PNPLA1: variants seen among roughly 807,000 people sequenced by gnomAD.
PNPLA1 encodes omega-hydroxyceramide transacylase.
Under a neutral mutation model 51.7 loss-of-function variants are expected in PNPLA1, and 36 were observed. The observed-to-expected ratio is 0.70, with a 90% CI of 0.53 to 0.92. The LOEUF (loss-of-function observed/expected upper bound fraction) is 0.92, where lower values mean the gene tolerates loss of function less well. Ranked by LOEUF, PNPLA1 falls within the 40% of genes least tolerant of loss-of-function variation. The pLI, the probability that PNPLA1 is intolerant of heterozygous loss-of-function variation, is 0.00. For synonymous variants in PNPLA1, 293 were observed against 280.1 expected (o/e 1.05, Z -0.46); for missense variants, 658 against 682.5 (o/e 0.96, Z 0.40).
At chr6:36,286,648 C>T (rs555234796) in intron 1 of PNPLA1, among the ~76,000 whole-genome samples, 1 of 152,154 alleles carries the variant, frequency 6.6e-6, no homozygotes, top group South Asian at 2.1e-4. Context: ...CTTCCAAGTG[C>T]CGTTCAAAAA....
chr6:36,262,226 CT>C (rs1769665843), intron 1 of PNPLA1, among the ~76,000 whole-genome samples: 1 of 152,030 alleles, frequency 6.6e-6, no homozygotes, highest in Admixed American at 6.6e-5. Flanking sequence ...CCACTTTCCC[CT>C]GTCCCCCACC....
upstream of PNPLA1, among the ~76,000 whole-genome samples, chr6:36,267,215 T>C (rs1224255543): frequency 6.6e-6 from 1 of 152,226 alleles, no homozygotes. Context: ...TCTTCCTCGA[T>C]GTCATTCGCT....
At chr6:36,309,273 C>T (rs948053782) in intron 8 of PNPLA1, among the ~76,000 whole-genome samples, 10 of 152,144 alleles carry the variant, frequency 6.6e-5, no homozygotes, top group African/African-American at 1.7e-4. Context: ...GGGTGCAGGA[C>T]GGCAGCTCGA....
chr6:36,304,244 A>T (rs1269666171), intron 6 of PNPLA1, among the ~76,000 whole-genome samples: 2 of 152,204 alleles, frequency 1.3e-5, no homozygotes, highest in African/African-American at 2.4e-5. Flanking sequence ...TAAACGTCAC[A>T]GATCGGCAAT....
At chr6:36,258,694 C>A (rs1335482280) in intron 1 of PNPLA1, among the ~76,000 whole-genome samples, 1 of 152,162 alleles carries the variant, frequency 6.6e-6, no homozygotes, top group Non-Finnish European at 1.5e-5. Flanking sequence ...TCTTAAACTC[C>A]TTTGTTCTGG....
intron 1 of PNPLA1, among the ~76,000 whole-genome samples, chr6:36,273,254 T>A (rs771970262): frequency 2.2e-3 from 217 of 97,628 alleles, no homozygotes; most frequent in African/African-American, 2.9e-3. Context: ...AAATAAATAA[T>A]AAATAAATAA....
At chr6:36,279,783 T>C (rs552834314) in intron 1 of PNPLA1, among the ~76,000 whole-genome samples, 150 of 152,172 alleles carry the variant, frequency 9.9e-4, no homozygotes, top group Non-Finnish European at 2.0e-3. Flanking sequence ...AGTCACAAAA[T>C]AAGTCTTTGA....
Position 36,291,464 on chromosome 6 carries a change from C to G in PNPLA1, c.350C>G (p.Thr117Arg), listed in dbSNP as rs371307766. 3.7e-6 allele frequency: 6 copies of G among 1,613,624 alleles called. No homozygotes were observed. The South Asian group carries it at 6.6e-5, about 18-fold the overall frequency. The change falls in exon 2 of 9, where the codon ACG becomes AGG. Residue 117 changes from threonine to arginine, a missense_variant. Physicochemically the swap from Thr to Arg is moderately conservative, Grantham distance 71. Transcript: ENST00000636260. ...CCCGAGGACTCCTACAAGGTCACCACGGGGAAGCTCCATGTGAGCCTCACC... is the reference window on the plus strand; with the variant it reads ...CCCGAGGACTCCTACAAGGTCACCAGGGGGAAGCTCCATGTGAGCCTCACC... ...VLPEDSYKVT[T>R]GKLHVSLTRL...
chr6:36,284,790 C>G (rs1582067919), intron 1 of PNPLA1, among the ~76,000 whole-genome samples: 1 of 152,168 alleles, frequency 6.6e-6, no homozygotes. Flanking sequence ...CAGCCTCAAC[C>G]CAGAACAGCC....
At chr6:36,301,114 G>GGGGGGGGGCCCCCC in intron 5 of PNPLA1, among the ~76,000 whole-genome samples, 1 of 99,968 alleles carries the variant, frequency 1.0e-5, no homozygotes, top group East Asian at 3.6e-4. Context: ...CCATCCCCCC[G>GGGGGGGGGCCCCCC]CCCCCCCACC....
At chr6:36,263,326 A>G (rs906001058) in intron 1 of PNPLA1, among the ~76,000 whole-genome samples, 17 of 152,246 alleles carry the variant, frequency 1.1e-4, no homozygotes, top group African/African-American at 4.1e-4. Flanking sequence ...TATTAACAAA[A>G]AGACAACACT....
intron 5 of PNPLA1, among the ~76,000 whole-genome samples, chr6:36,300,461 T>C (rs1582094777): frequency 1.3e-5 from 2 of 152,144 alleles, no homozygotes; most frequent in South Asian, 4.1e-4. Flanking sequence ...CCCAAAGTGC[T>C]GGGATTACAG....
At chr6:36,267,604 G>T (rs1269921048), upstream of PNPLA1, among the ~76,000 whole-genome samples, 3 of 152,162 alleles carry the variant, frequency 2.0e-5, no homozygotes, top group East Asian at 1.9e-4. Context: ...AGCCCCCCAG[G>T]TGCCTGAAGC....
intron 1 of PNPLA1, among the ~76,000 whole-genome samples, chr6:36,260,280 C>A (rs536135051): frequency 6.6e-6 from 1 of 152,094 alleles, no homozygotes; most frequent in Non-Finnish European, 1.5e-5. Flanking sequence ...CAGAGTATGA[C>A]CCTGTCCCTA....
chr6:36,293,181 C>T, intron 3 of PNPLA1, 55 bp downstream of exon 3: 1 of 1,545,186 alleles, frequency 6.5e-7, no homozygotes. Flanking sequence ...CCTCGGGTCC[C>T]TGTGACTCAC....
At chr6:36,271,474 G>A (rs1394168824) in intron 1 of PNPLA1, among the ~76,000 whole-genome samples, 1 of 152,228 alleles carries the variant, frequency 6.6e-6, no homozygotes, top group Non-Finnish European at 1.5e-5. Context: ...AGAAATTCTA[G>A]AGAAAAGAAA....
At chr6:36,268,790 T>C (rs979899642), upstream of PNPLA1, among the ~76,000 whole-genome samples, 4 of 152,092 alleles carry the variant, frequency 2.6e-5, no homozygotes, top group African/African-American at 9.7e-5. Flanking sequence ...TGTGCTCCTG[T>C]CCCCCAGGGC....
chr6:36,302,966 A>C (rs142355413), intron 6 of PNPLA1, among the ~76,000 whole-genome samples: 1 of 152,374 alleles, frequency 6.6e-6, no homozygotes, highest in East Asian at 1.9e-4. Context: ...GAGGGTGTGC[A>C]GAAATTAAGA....
chr6:36,266,274 A>G (rs189547768), upstream of PNPLA1, among the ~76,000 whole-genome samples: 2 of 152,340 alleles, frequency 1.3e-5, no homozygotes, highest in Non-Finnish European at 2.9e-5. Context: ...ACCCTCAAAA[A>G]TGGTGTGAGG....
Sources: gnomAD v4.1 joint callset for allele counts (sites outside exome capture counted in the v4.1 genomes callset) on GRCh38, gnomAD v4.1.1 for gene constraint, MANE v1.5 for transcripts, NCBI Gene and HGNC (gene_info 2026-07-23, HGNC 2026-07-21) for gene names.